EFR3A: variants seen among roughly 807,000 people sequenced by gnomAD.
EFR3A encodes the protein protein EFR3 homolog A.
In EFR3A, 76 loss-of-function variants were observed where a neutral mutation model predicts 104.4. The ratio of observed to expected loss-of-function variants is 0.73; its 90% CI spans 0.60 to 0.88. EFR3A has a LOEUF of 0.88. EFR3A is among the 40% of genes least tolerant of loss of function. EFR3A has a pLI of 0.00. For synonymous variants in EFR3A, 330 were observed against 330.0 expected, an observed-to-expected ratio of 1.00 and a Z score of 0.00; for missense variants, 985 against 1,012.5, an observed-to-expected ratio of 0.97 and a Z score of 0.37.
rs758686387 is a variant in EFR3A at position 131,968,298 on chromosome 8, C to G, written c.859C>G (p.Gln287Glu). Residue 287 changes from glutamine (Q) to glutamate (E), a missense_variant, in exon 9 of 23, where the codon CAG (glutamine) becomes GAG (glutamate). By Grantham distance (29) the Gln-to-Glu change is conservative. Coordinates refer to ENST00000254624, the MANE Select transcript of EFR3A (RefSeq NM_015137.6). ...FKIIMYSIQA[Q>E]YSHHVIQEIL... ...TGTACTGTTTTGTCTCCTTCAGGCT[C>G]AGTATTCTCACCATGTGATCCAGGA... is the stretch of plus-strand genomic sequence containing the variant. The G allele has an allele frequency of 1.2e-6, 2 of 1,612,888 alleles. No individual in the cohort carries two copies. The highest frequency in any genetic ancestry group is 1.7e-6 in the Non-Finnish European group (2 of 1,179,370).
chr8:131,937,195 T>C (rs1211901408), intron 1 of EFR3A, among the ~76,000 whole-genome samples: 1 of 152,176 alleles, frequency 6.6e-6, no homozygotes, highest in African/African-American at 2.4e-5. Context: ...ATCACAGATG[T>C]CTTTAAAGAA....
At chr8:131,924,337 G>A (rs1227202890) in intron 1 of EFR3A, 3 of 256,942 alleles carry the variant, frequency 1.2e-5, no homozygotes, top group Admixed American at 4.9e-5. Context: ...TTTATCCTTT[G>A]ACACGTGAAA....
At chr8:131,947,802 A>G (rs948362231) in intron 4 of EFR3A, among the ~76,000 whole-genome samples, 2 of 152,090 alleles carry the variant, frequency 1.3e-5, no homozygotes, top group African/African-American at 2.4e-5. Flanking sequence ...TGAAAAGGCT[A>G]TTCTTTCCCT....
At chr8:131,906,275 TTC>T (rs1816262604) in intron 1 of EFR3A, among the ~76,000 whole-genome samples, 1 of 152,236 alleles carries the variant, frequency 6.6e-6, no homozygotes, top group African/African-American at 2.4e-5. Flanking sequence ...AAAATTGTTA[TTC>T]TCTGTAGGAA....
At chr8:132,010,108 T>G (rs952249365) in intron 22 of EFR3A, among the ~76,000 whole-genome samples, 2 of 151,858 alleles carry the variant, frequency 1.3e-5, no homozygotes, top group African/African-American at 2.4e-5. Flanking sequence ...ATCTCCTACC[T>G]CTCAGATTGG....
rs544209466 is a variant in EFR3A at position 132,011,272 on chromosome 8, C to G, written c.*377C>G. 2 of 989,488 alleles carry G rather than the reference C, an allele frequency of 2.0e-6. No individual in the cohort carries two copies. Among genetic ancestry groups the G allele is most frequent in the East Asian group, 2.2e-4 (2 of 9,106 alleles). The allele number at this position is 989,488 out of a possible 1,614,324, so 61.3% of individuals were successfully genotyped here. A position where few individuals can be genotyped will look rare whatever the true frequency, so the allele number is the denominator to read the frequency against. On this transcript the variant is annotated 3_prime_UTR_variant, in exon 23 of 23. Coordinates refer to ENST00000254624, the MANE Select transcript of EFR3A (RefSeq NM_015137.6). The stretch of plus-strand genomic sequence containing the variant: ...ATTGTTTATCTCTTAAACATCTACA[C>G]AGCCGCTTAGATGTAGAATTTTTGT...
intron 19 of EFR3A, among the ~76,000 whole-genome samples, chr8:132,001,279 C>T (rs1821768725): frequency 6.6e-6 from 1 of 152,080 alleles, no homozygotes; most frequent in Non-Finnish European, 1.5e-5. Context: ...CTTAGTTTTC[C>T]TTTTGATTTG....
intron 1 of EFR3A, among the ~76,000 whole-genome samples, chr8:131,911,799 C>T (rs1816524254): frequency 6.6e-6 from 1 of 152,114 alleles, no homozygotes; most frequent in African/African-American, 2.4e-5. Flanking sequence ...CAGCAAGGCC[C>T]ATCTAGATTT....
intron 1 of EFR3A, among the ~76,000 whole-genome samples, chr8:131,914,637 GT>G (rs974026189): frequency 2.0e-5 from 3 of 148,898 alleles, no homozygotes; most frequent in South Asian, 2.1e-4. Context: ...GAGCAGCTCT[GT>G]TTTTTTTTTA....
chr8:131,958,443 C>T (rs1371688827), intron 7 of EFR3A, among the ~76,000 whole-genome samples: 1 of 152,096 alleles, frequency 6.6e-6, no homozygotes, highest in African/African-American at 2.4e-5. Context: ...TAGTGGGTTT[C>T]ATTTCTGCCT....
intron 18 of EFR3A, among the ~76,000 whole-genome samples, chr8:131,990,108 C>A (rs1189288252): frequency 6.6e-6 from 1 of 152,158 alleles, no homozygotes; most frequent in Admixed American, 6.5e-5. Context: ...AAGCAAAAGC[C>A]AGAATGAACA....
chr8:131,958,707 G>A (rs564294149), intron 7 of EFR3A, among the ~76,000 whole-genome samples: 2 of 152,090 alleles, frequency 1.3e-5, no homozygotes, highest in Non-Finnish European at 2.9e-5. Flanking sequence ...AGGATGTGCT[G>A]TTTATTAGTT....
chr8:131,957,350 C>CTTTTTTTT lies in EFR3A; in HGVS notation c.776+1456_776+1463dup, dbSNP rs1185442281. Among the ~76,000 whole-genome samples the CTTTTTTTT allele has an allele frequency of 1.3e-3, 168 of 125,926 alleles. 5 individuals are homozygous for CTTTTTTTT. The highest frequency in any genetic ancestry group is 4.8e-3 in the African/African-American group (159 of 33,450). The allele number at this position is 125,926 out of a possible 152,430, so 82.6% of individuals were successfully genotyped here. A position where few individuals can be genotyped will look rare whatever the true frequency, so the allele number is the denominator to read the frequency against. On this transcript the variant is annotated intron_variant, in intron 7 of 22. Transcript: ENST00000254624. ...TAATTTGAAGATTTAGGGCCAGGGT[C>CTTTTTTTT]TTTTTTTTTTTTTTTTTTGAGACAG...
At chr8:131,923,325 T>A (rs1380097753) in intron 1 of EFR3A, among the ~76,000 whole-genome samples, 7 of 152,126 alleles carry the variant, frequency 4.6e-5, no homozygotes, top group Non-Finnish European at 8.8e-5. Flanking sequence ...TTTTTGTGGG[T>A]ATGCACTGAA....
At chr8:131,941,117 A>G (rs190033497) in intron 2 of EFR3A, among the ~76,000 whole-genome samples, 4 of 152,240 alleles carry the variant, frequency 2.6e-5, no homozygotes. Context: ...TCCAAAGAAT[A>G]AATAGGGATT....
chr8:131,983,018 T>C (rs149910576), intron 14 of EFR3A, among the ~76,000 whole-genome samples: 1 of 152,266 alleles, frequency 6.6e-6, no homozygotes, highest in African/African-American at 2.4e-5. Flanking sequence ...TGGAGAACTA[T>C]AGGCCTCCTT....
rs545963616 is a variant in EFR3A at position 131,943,725 on chromosome 8, C to T, written c.88-1020C>T. ...AGTACCCACCTTCACCCATCTATGA[C>T]AACCCATAATGCCTTTAGACATTGC... is the stretch of plus-strand genomic sequence containing the variant. On this transcript the variant is annotated intron_variant, in intron 2 of 22. Coordinates refer to ENST00000254624, the MANE Select transcript of EFR3A (RefSeq NM_015137.6). Among the ~76,000 whole-genome samples the T allele has an allele frequency of 3.3e-5, 5 of 152,106 alleles. No homozygotes were observed. In the South Asian group the frequency reaches 1.0e-3, roughly 32 times the overall value.
chr8:131,941,664 A>G (rs1038728862), intron 2 of EFR3A, among the ~76,000 whole-genome samples: 3 of 152,274 alleles, frequency 2.0e-5, no homozygotes, highest in Admixed American at 6.6e-5. Context: ...TAAAATGCTA[A>G]GTAAATCAGG....
intron 8 of EFR3A, among the ~76,000 whole-genome samples, chr8:131,962,871 C>G (rs897025803): frequency 3.3e-5 from 5 of 152,320 alleles, no homozygotes; most frequent in African/African-American, 4.8e-5. Flanking sequence ...CAAACTGTCT[C>G]TCAGACCACA....
Sources: allele counts gnomAD v4.1 joint callset (sites outside exome capture counted in the v4.1 genomes callset), GRCh38; gene constraint gnomAD v4.1.1; transcripts MANE v1.5; gene names NCBI Gene and HGNC (gene_info 2026-07-23, HGNC 2026-07-21).